The following RAB3C variants were observed in gnomAD, a reference collection of about 807,000 sequenced individuals.
The protein encoded by RAB3C is RAB3C, member RAS oncogene family.
Under a neutral mutation model 26.4 loss-of-function variants are expected in RAB3C, and 17 were observed. The observed-to-expected ratio is 0.64, with a 90% CI of 0.44 to 0.97. RAB3C has a LOEUF of 0.97. Among genes scored for constraint, RAB3C ranks in the 50% least tolerant of loss-of-function variants. RAB3C has a pLI of 0.00. For missense variants in RAB3C, 242 were observed against 281.9 expected (o/e 0.86, Z 1.01); for synonymous variants, 91 against 95.9 (o/e 0.95, Z 0.30).
chr5:58,811,344 C>T (rs295654), intron 3 of RAB3C, among the ~76,000 whole-genome samples: 75,981 of 151,214 alleles, frequency 0.5, 19,576 homozygotes, highest in Middle Eastern at 0.71. Context: ...TTAGATTTTG[C>T]GTGTGTGTGT....
At chr5:58,797,295 C>T (rs1349595317) in intron 3 of RAB3C, among the ~76,000 whole-genome samples, 2 of 139,556 alleles carry the variant, frequency 1.4e-5, no homozygotes, top group Non-Finnish European at 3.0e-5. Context: ...AACTGACTGG[C>T]AGTGAGTGAA....
intron 2 of RAB3C, among the ~76,000 whole-genome samples, chr5:58,722,447 G>A (rs865844233): frequency 6.6e-6 from 1 of 150,544 alleles, no homozygotes; most frequent in Non-Finnish European, 1.5e-5. Flanking sequence ...GAAAAAGAAA[G>A]CCATTTAAAG....
chr5:58,804,401 A>C (rs1012826384), intron 3 of RAB3C, among the ~76,000 whole-genome samples: 5 of 152,162 alleles, frequency 3.3e-5, no homozygotes, highest in Non-Finnish European at 7.3e-5. Flanking sequence ...TTCAGGAATG[A>C]ATTGTTCCAT....
At chr5:58,764,354 C>G (rs1741855157) in intron 3 of RAB3C, among the ~76,000 whole-genome samples, 1 of 152,142 alleles carries the variant, frequency 6.6e-6, no homozygotes, top group Non-Finnish European at 1.5e-5. Flanking sequence ...ATTTAGAAAG[C>G]AGTATGAACA....
At chr5:58,653,758 A>C (rs747249945) in intron 2 of RAB3C, among the ~76,000 whole-genome samples, 3 of 152,254 alleles carry the variant, frequency 2.0e-5, no homozygotes, top group Non-Finnish European at 4.4e-5. Context: ...ACTGAAGCAC[A>C]TGAGAGATAC....
chr5:58,662,431 G>A (rs1025867921), intron 2 of RAB3C, among the ~76,000 whole-genome samples: 2 of 149,840 alleles, frequency 1.3e-5, no homozygotes, highest in Non-Finnish European at 2.9e-5. Context: ...GGGGTTGAAG[G>A]AAAAAATCAT....
upstream of RAB3C, chr5:58,582,512 G>A: frequency 3.2e-6 from 2 of 618,962 alleles, no homozygotes; most frequent in Non-Finnish European, 4.0e-6. Flanking sequence ...GTACGCGCGC[G>A]CGACTTCTCA....
intron 2 of RAB3C, among the ~76,000 whole-genome samples, chr5:58,620,310 C>A (rs1285413342): frequency 2.0e-5 from 3 of 152,114 alleles, no homozygotes; most frequent in East Asian, 3.9e-4. Context: ...GCTCTTAAGG[C>A]ACATCTGATT....
chr5:58,807,913 T>C (rs979006365), intron 3 of RAB3C, among the ~76,000 whole-genome samples: 1 of 152,012 alleles, frequency 6.6e-6, no homozygotes, highest in Admixed American at 6.6e-5. Context: ...ATTCTAAAAC[T>C]CTAGTGTTTA....
At chr5:58,753,527 A>G (rs1444929389) in intron 3 of RAB3C, among the ~76,000 whole-genome samples, 3 of 152,192 alleles carry the variant, frequency 2.0e-5, no homozygotes, top group Non-Finnish European at 4.4e-5. Flanking sequence ...CCTCAATTAT[A>G]GTAGTCTTTC....
chr5:58,787,124 C>A (rs1742409263), intron 3 of RAB3C, among the ~76,000 whole-genome samples: 1 of 152,208 alleles, frequency 6.6e-6, no homozygotes, highest in African/African-American at 2.4e-5. Flanking sequence ...GGCCTGAGCC[C>A]CACACATCTC....
At chr5:58,814,021 T>C (rs952550143) in intron 3 of RAB3C, among the ~76,000 whole-genome samples, 1 of 152,206 alleles carries the variant, frequency 6.6e-6, no homozygotes, top group African/African-American at 2.4e-5. Context: ...CCAGTCATCT[T>C]TTCTGCCCAC....
intron 4 of RAB3C, among the ~76,000 whole-genome samples, chr5:58,829,480 A>G (rs1743566649): frequency 6.6e-6 from 1 of 152,216 alleles, no homozygotes; most frequent in African/African-American, 2.4e-5. Context: ...ACCACAGGTG[A>G]AAGAATACTT....
At chr5:58,772,368 A>G (rs1028789222) in intron 3 of RAB3C, among the ~76,000 whole-genome samples, 4 of 152,144 alleles carry the variant, frequency 2.6e-5, no homozygotes, top group Non-Finnish European at 5.9e-5. Flanking sequence ...AACATTTGTG[A>G]GATTATTGTT....
chr5:58,592,348 A>C (rs776539902), intron 1 of RAB3C, among the ~76,000 whole-genome samples: 1 of 152,180 alleles, frequency 6.6e-6, no homozygotes, highest in Non-Finnish European at 1.5e-5. Flanking sequence ...CTATGATATA[A>C]TTTCATTTAC....
At chr5:58,584,949 T>C (rs1191108863) in intron 1 of RAB3C, among the ~76,000 whole-genome samples, 11 of 152,080 alleles carry the variant, frequency 7.2e-5, no homozygotes, top group Non-Finnish European at 1.6e-4. Flanking sequence ...ACCAACTATG[T>C]AGTAGGCACT....
At chr5:58,707,649 C>T (rs1263966688) in intron 2 of RAB3C, among the ~76,000 whole-genome samples, 5 of 152,202 alleles carry the variant, frequency 3.3e-5, no homozygotes, top group Non-Finnish European at 7.3e-5. Context: ...GTTGATCAGA[C>T]TGCCAGCATC....
At chr5:58,600,374 A>G (rs1242877872) in intron 1 of RAB3C, among the ~76,000 whole-genome samples, 1 of 152,124 alleles carries the variant, frequency 6.6e-6, no homozygotes, top group East Asian at 1.9e-4. Flanking sequence ...AATTCTGTGA[A>G]GAATAATGGT....
chr5:58,664,898 A>G (rs529290307), intron 2 of RAB3C, among the ~76,000 whole-genome samples: 35 of 151,812 alleles, frequency 2.3e-4, no homozygotes, highest in African/African-American at 8.0e-4. Context: ...TCCTAACCAC[A>G]CTTGGCTTCT....
Sources: allele counts gnomAD v4.1 joint callset (sites outside exome capture counted in the v4.1 genomes callset), GRCh38; gene constraint gnomAD v4.1.1; transcripts MANE v1.5; gene names NCBI Gene and HGNC (gene_info 2026-07-23, HGNC 2026-07-21).